The following CSMD1 variants were observed in gnomAD, a reference collection of about 807,000 sequenced individuals.
CSMD1 encodes CUB and Sushi multiple domains 1, also known as CUB and sushi domain-containing protein 1.
In CSMD1, 213 loss-of-function variants were observed where a neutral mutation model predicts 417.5. That is an observed-to-expected ratio of 0.51 (90% CI 0.46 to 0.57). The LOEUF (loss-of-function observed/expected upper bound fraction) is 0.57, where lower values mean the gene tolerates loss of function less well. Ranked by LOEUF, CSMD1 falls within the 20% of genes least tolerant of loss-of-function variation. The probability of loss-of-function intolerance (pLI) is 0.00; values close to 1 mark genes in which losing one functional copy is unlikely to be tolerated. For synonymous variants in CSMD1, 2,862 were observed against 1,736.8 expected, an observed-to-expected ratio of 1.65 and a Z score of -16.11; for missense variants, 6,923 against 4,529.7, an observed-to-expected ratio of 1.53 and a Z score of -15.17.
At chr8:3,816,328 C>T (rs572061453) in intron 5 of CSMD1, among the ~76,000 whole-genome samples, 1 of 152,246 alleles carries the variant, frequency 6.6e-6, no homozygotes, top group East Asian at 1.9e-4. Context: ...TTCAGCTACC[C>T]ACAGTCAACC....
At chr8:3,429,635 G>A (rs1266023673) in intron 12 of CSMD1, among the ~76,000 whole-genome samples, 1 of 152,164 alleles carries the variant, frequency 6.6e-6, no homozygotes, top group South Asian at 2.1e-4. Flanking sequence ...AAGGGTTGAT[G>A]TTTATCAAAA....
intron 3 of CSMD1, among the ~76,000 whole-genome samples, chr8:4,119,207 T>C (rs192902067): frequency 2.7e-4 from 41 of 152,160 alleles, no homozygotes; most frequent in African/African-American, 9.9e-4. Flanking sequence ...CATATACCTA[T>C]GTAACAAGCC....
At chr8:4,459,638 C>T (rs908033961) in intron 2 of CSMD1, among the ~76,000 whole-genome samples, 1 of 152,110 alleles carries the variant, frequency 6.6e-6, no homozygotes, top group African/African-American at 2.4e-5. Context: ...TAGAACAAAC[C>T]TCAAAGCCTG....
At chr8:3,921,828 T>A (rs904510409) in intron 5 of CSMD1, among the ~76,000 whole-genome samples, 1 of 152,184 alleles carries the variant, frequency 6.6e-6, no homozygotes. Context: ...GAGAGAGTTT[T>A]GTGCAAAGCT....
At chr8:2,999,833 A>G in intron 53 of CSMD1, 125 bp downstream of exon 53, 2 of 827,150 alleles carry the variant, frequency 2.4e-6, no homozygotes, top group Non-Finnish European at 3.6e-6. Context: ...TTGTATAGGC[A>G]AAACTGAAAG....
At chr8:4,260,200 G>A (rs1002491745) in intron 3 of CSMD1, among the ~76,000 whole-genome samples, 1 of 152,110 alleles carries the variant, frequency 6.6e-6, no homozygotes, top group Non-Finnish European at 1.5e-5. Flanking sequence ...ATCAGGTGTT[G>A]CCTATCTAAT....
At chr8:4,180,986 C>G (rs966432111) in intron 3 of CSMD1, among the ~76,000 whole-genome samples, 2 of 152,094 alleles carry the variant, frequency 1.3e-5, no homozygotes, top group African/African-American at 4.8e-5. Context: ...CTTACCATTT[C>G]CGTACCCACT....
At chr8:3,902,506 C>G (rs1807823444) in intron 5 of CSMD1, among the ~76,000 whole-genome samples, 2 of 152,082 alleles carry the variant, frequency 1.3e-5, no homozygotes, top group African/African-American at 2.4e-5. Context: ...GAAACTTCCA[C>G]CTGAGATCAT....
At chr8:3,925,328 T>C (rs1339804925) in intron 5 of CSMD1, among the ~76,000 whole-genome samples, 1 of 152,244 alleles carries the variant, frequency 6.6e-6, no homozygotes, top group East Asian at 1.9e-4. Flanking sequence ...TGTGCATTTA[T>C]ATATTATATG....
At chr8:3,141,570 G>T (rs1818481973) in intron 41 of CSMD1, among the ~76,000 whole-genome samples, 1 of 152,046 alleles carries the variant, frequency 6.6e-6, no homozygotes, top group African/African-American at 2.4e-5. Flanking sequence ...TTGCTCCTGG[G>T]ATCACATCAC....
chr8:3,656,630 T>C (rs1305614873), intron 7 of CSMD1, among the ~76,000 whole-genome samples: 1 of 152,182 alleles, frequency 6.6e-6, no homozygotes, highest in Non-Finnish European at 1.5e-5. Context: ...GCTGTCTTTC[T>C]ATTACAAAGG....
chr8:4,552,014 T>C (rs528842368), intron 2 of CSMD1, among the ~76,000 whole-genome samples: 8 of 152,244 alleles, frequency 5.3e-5, no homozygotes, highest in South Asian at 4.1e-4. Flanking sequence ...AACTAAAAGA[T>C]CTAGAAGTAG....
intron 10 of CSMD1, among the ~76,000 whole-genome samples, chr8:3,539,388 A>G (rs1798344559): frequency 6.6e-6 from 1 of 152,102 alleles, no homozygotes; most frequent in South Asian, 2.1e-4. Flanking sequence ...GTATATACAT[A>G]TTATTTGTTT....
At chr8:3,099,694 G>C (rs1329924509) in intron 46 of CSMD1, among the ~76,000 whole-genome samples, 1 of 152,090 alleles carries the variant, frequency 6.6e-6, no homozygotes, top group Non-Finnish European at 1.5e-5. Flanking sequence ...GCACATCCTG[G>C]GGTTTGACAG....
At chr8:3,932,343 C>G (rs970192573) in intron 5 of CSMD1, among the ~76,000 whole-genome samples, 1 of 150,582 alleles carries the variant, frequency 6.6e-6, no homozygotes, top group Non-Finnish European at 1.5e-5. Flanking sequence ...CCCATTTATT[C>G]TGCGACTAGA....
chr8:4,396,806 C>A (rs966560564), intron 3 of CSMD1, among the ~76,000 whole-genome samples: 25 of 152,028 alleles, frequency 1.6e-4, no homozygotes, highest in African/African-American at 5.8e-4. Context: ...TATGTTCTCA[C>A]TTATAAGAAG....
chr8:4,833,322 A>G (rs1800261517), intron 1 of CSMD1, among the ~76,000 whole-genome samples: 1 of 152,208 alleles, frequency 6.6e-6, no homozygotes, highest in African/African-American at 2.4e-5. Context: ...GCATGTCTTC[A>G]TGTGGCAGCA....
chr8:3,664,666 C>T (rs1798591891), intron 7 of CSMD1, among the ~76,000 whole-genome samples: 1 of 152,210 alleles, frequency 6.6e-6, no homozygotes, highest in African/African-American at 2.4e-5. Context: ...TTTCTCATTG[C>T]TTTTGCATCA....
chr8:4,188,015 T>A (rs1054069086), intron 3 of CSMD1, among the ~76,000 whole-genome samples: 20 of 152,024 alleles, frequency 1.3e-4, no homozygotes, highest in South Asian at 2.1e-4. Flanking sequence ...TACCTTTTTT[T>A]AAAAAAAGAC....
Sources: gnomAD v4.1 joint callset for allele counts (sites outside exome capture counted in the v4.1 genomes callset) on GRCh38, gnomAD v4.1.1 for gene constraint, MANE v1.5 for transcripts, NCBI Gene and HGNC (gene_info 2026-07-23, HGNC 2026-07-21) for gene names.